The following GFUS variants were observed in gnomAD, a reference collection of about 807,000 sequenced individuals.
GFUS encodes the protein GDP-L-fucose synthase.
Under a neutral mutation model 41.5 loss-of-function variants are expected in GFUS, and 42 were observed. The ratio of observed to expected loss-of-function variants is 1.01; its 90% CI spans 0.79 to 1.31. The LOEUF (loss-of-function observed/expected upper bound fraction) is 1.31. GFUS is among the 50% of genes most tolerant of loss of function. The pLI is 0.00. For synonymous variants in GFUS, 188 were observed against 173.4 expected, an observed-to-expected ratio of 1.08 and a Z score of -0.66; for missense variants, 437 against 428.7, an observed-to-expected ratio of 1.02 and a Z score of -0.17.
At position 143,612,827 on chromosome 8, in the gene GFUS, CA is replaced by C; in HGVS notation, c.*82del. ...GGCCCAGGTTGCTGGGTGGTGCCCT[CA>C]GCTCCTGGCAGGGTTGACGGGTGGT... is the stretch of plus-strand genomic sequence containing the variant. On this transcript the variant is annotated 3_prime_UTR_variant, in exon 11 of 11. Transcript: ENST00000425753. 6.6e-7 allele frequency: 1 copy of C among 1,515,352 alleles called. No homozygotes were observed. Among genetic ancestry groups the C allele is most frequent in the Non-Finnish European group, 8.9e-7 (1 of 1,123,484 alleles). The allele number at this position is 1,515,352 out of a possible 1,614,324, so 93.9% of individuals were successfully genotyped here.
rs1829735336 is a variant in GFUS at position 143,616,671 on chromosome 8, C to G, written c.42G>C (p.Gly14=). 6.2e-7 allele frequency: 1 copy of G among 1,613,492 alleles called. No individual in the cohort carries two copies. Among genetic ancestry groups the G allele is most frequent in the South Asian group, 1.1e-5 (1 of 91,088 alleles). ...PQGSMRILVT[G]GSGLVGKAIQ... is the part of the protein sequence containing the mutation. Reference sequence around the variant, plus strand: ...TGGCTTTGCCTACCAGCCCAGAGCCCCCTGTCACTAGAATCCGCATGGATC... The same window carrying G: ...TGGCTTTGCCTACCAGCCCAGAGCCGCCTGTCACTAGAATCCGCATGGATC... Residue 14 remains glycine, a synonymous_variant, in exon 2 of 11, where the codon GGG becomes GGC. Transcript: ENST00000425753.
rs1022899885 is a variant in GFUS, at chr8:143,613,669, C to T, written c.731-66G>A. 7 of 1,586,310 alleles carry T rather than the reference C, an allele frequency of 4.4e-6. No homozygotes were observed. In the African/African-American group the frequency reaches 8.1e-5, roughly 18 times the overall value. On this transcript the variant is annotated intron_variant, in intron 8 of 10. Transcript: ENST00000425753. ...CCGACGGCCCATGAATATTCCTGCT[C>T]CCACCCCTCAGCCAGCCTCCCAGGA...
chr8:143,613,992 G>A (rs1163604173), intron 7 of GFUS, among the ~76,000 whole-genome samples, 172 bp downstream of exon 7: 2 of 152,194 alleles, frequency 1.3e-5, no homozygotes, highest in East Asian at 3.9e-4. Context: ...CTGGAGACAG[G>A]AGCCTATGGG....
rs1408313565 is a variant in GFUS at position 143,614,355 on chromosome 8, A to G, written c.563T>C (p.Leu188Pro). The G allele has an allele frequency of 1.9e-6, 3 of 1,613,854 alleles. No homozygotes were observed. The highest frequency in any genetic ancestry group is 2.5e-6 in the Non-Finnish European group (3 of 1,179,946). Residue 188 changes from leucine to proline, a missense_variant, in exon 6 of 11, where the codon CTG becomes CCG. Physicochemically the swap from Leu to Pro is moderately conservative, Grantham distance 98. Transcript: ENST00000425753. ...GTGCACCTTGTGGATGAGGCCAGGC[A>G]GCACGTGGCCATCCTCGATGTTGAA... ...DNFNIEDGHV[L>P]PGLIHKVHLA...
Position 143,616,136 on chromosome 8 carries a change from G to T in GFUS, c.231C>A (p.Phe77Leu). The T allele has an allele frequency of 6.2e-7, 1 of 1,609,480 alleles. No individual in the cohort carries two copies. The highest frequency in any genetic ancestry group is 2.2e-5 in the East Asian group (1 of 44,750). ...IHLAAMVGGL[F>L]RNIKYNLDFW... ...AGTCCAAATTGTATTTGATATTCCGGAACAGGCCCCCCACCATTGCAGCAA... is the reference window on the plus strand; with the variant it reads ...AGTCCAAATTGTATTTGATATTCCGTAACAGGCCCCCCACCATTGCAGCAA... The change falls in exon 3 of 11, where the codon TTC becomes TTA. Residue 77 changes from phenylalanine to leucine, a missense_variant. Phe to Leu is a conservative substitution (Grantham distance 22). Coordinates refer to ENST00000425753, the MANE Select transcript of GFUS (RefSeq NM_003313.4).
chr8:143,614,764 C>A (rs1243483361), intron 4 of GFUS, 23 bp downstream of exon 4: 1 of 1,613,468 alleles, frequency 6.2e-7, no homozygotes. Flanking sequence ...CGGCCCCACC[C>A]ACAGCCAGGC....
At chr8:143,618,034 C>G (rs532731725), upstream of GFUS, 1 of 152,424 alleles carries the variant, frequency 6.6e-6, no homozygotes, top group South Asian at 2.1e-4. Context: ...GCTCGGGCAG[C>G]AAGCAGCAAA....
rs371490290 is a variant in GFUS, at chr8:143,616,264, A to C, written c.147-44T>G. The C allele has an allele frequency of 3.2e-6, 5 of 1,585,164 alleles. No individual in the cohort carries two copies. In the African/African-American group the frequency reaches 6.7e-5, roughly 21 times the overall value. On this transcript the variant is annotated intron_variant, in intron 2 of 10. Coordinates refer to ENST00000425753, the MANE Select transcript of GFUS (RefSeq NM_003313.4). ...TCAGGAGGCTCTGGAGGGAACCAGC[A>C]CCCCAGGGTTGGGTGCCAAGTGCAG...
chr8:143,614,380 A>G lies in GFUS; in HGVS notation c.538T>C (p.Phe180Leu). 1 of 1,613,916 alleles carries G rather than the reference A, an allele frequency of 6.2e-7. No individual in the cohort carries two copies. The highest frequency in any genetic ancestry group is 1.1e-5 in the South Asian group (1 of 91,084). Residue 180 changes from phenylalanine to leucine, a missense_variant, in exon 6 of 11, where the codon TTC becomes CTC. Coordinates refer to ENST00000425753, the MANE Select transcript of GFUS (RefSeq NM_003313.4). ...PTNVFGPHDN[F>L]NIEDGHVLPG... is the part of the protein sequence containing the mutation. ...AGCACGTGGCCATCCTCGATGTTGA[A>G]GTTGTCGTGGGGCCCGAAGACGTTG...
chr8:143,614,862 G>A lies in GFUS; in HGVS notation c.315C>T (p.Gly105=), dbSNP rs752019220. The change falls in exon 4 of 11, where the codon GGC becomes GGT. Residue 105 remains glycine, a synonymous_variant. Coordinates refer to ENST00000425753, the MANE Select transcript of GFUS (RefSeq NM_003313.4). ...ACAGGCAGGACACCACCTTGCGGGC[G>A]CCCACCTCAAAGGCCGAGTGCAGGA... is the stretch of plus-strand genomic sequence containing the variant. ...DNVLHSAFEV[G]ARKVVSCLST... 9 of 1,613,516 alleles carry A rather than the reference G, an allele frequency of 5.6e-6. No individual in the cohort carries two copies. The highest frequency in any genetic ancestry group is 2.2e-5 in the East Asian group (1 of 44,888).
rs779057396 is a variant in GFUS at position 143,612,882 on chromosome 8, C to T, written c.*28G>A. On this transcript the variant is annotated 3_prime_UTR_variant, in exon 11 of 11. Coordinates refer to ENST00000425753, the MANE Select transcript of GFUS (RefSeq NM_003313.4). Reference sequence around the variant, plus strand: ...CGCTGGGCTCTGCCAGCCGATGGTCCGCTGGCACCTGATCCTGTCTTCCAG... The same window carrying T: ...CGCTGGGCTCTGCCAGCCGATGGTCTGCTGGCACCTGATCCTGTCTTCCAG... The T allele has an allele frequency of 1.0e-5, 16 of 1,594,500 alleles. No individual in the cohort carries two copies. Among genetic ancestry groups the T allele is most frequent in the African/African-American group, 2.7e-5 (2 of 74,332 alleles).
rs774084849 is a variant in GFUS at position 143,616,177 on chromosome 8, T to C, written c.190A>G (p.Thr64Ala). 1 of 1,613,822 alleles carries C rather than the reference T, an allele frequency of 6.2e-7. No homozygotes were observed. The highest frequency in any genetic ancestry group is 1.3e-5 in the African/African-American group (1 of 75,044). The change falls in exon 3 of 11, where the codon ACA becomes GCA. Residue 64 changes from threonine (T) to alanine (A), a missense_variant. Transcript: ENST00000425753. ...ATTGCAGCAAGATGGATGACGTGTG[T>C]GGGTTGGACCTTCTCAAACAGGGCG... The part of the protein sequence containing the change: ...TRALFEKVQP[T>A]HVIHLAAMVG...
At chr8:143,614,728 C>T in intron 4 of GFUS, 31 bp from the exon 5 acceptor site, 1 of 1,613,090 alleles carries the variant, frequency 6.2e-7, no homozygotes. Flanking sequence ...GAGGCCGCTA[C>T]TTCCTGGCCC....
At position 143,616,514 on chromosome 8, in the gene GFUS, G is replaced by A. The variant is rs780459431; in HGVS notation, c.146+53C>T. The A allele has an allele frequency of 1.5e-5, 24 of 1,611,830 alleles. No individual in the cohort carries two copies. In the Admixed American group the frequency reaches 3.7e-4, roughly 25 times the overall value. On this transcript the variant is annotated intron_variant, in intron 2 of 10. Coordinates refer to ENST00000425753, the MANE Select transcript of GFUS (RefSeq NM_003313.4). ...GCCCAGCCTGGAACTCTTAGTTCTA[G>A]GGTGGGGGGTAGGATGGAGAGGAAG...
At position 143,612,864 on chromosome 8, in the gene GFUS, C is replaced by A. The variant is rs926974978; in HGVS notation, c.*46G>T. The A allele has an allele frequency of 1.3e-6, 2 of 1,576,774 alleles. No individual in the cohort carries two copies. Among genetic ancestry groups the A allele is most frequent in the East Asian group, 4.7e-5 (2 of 42,434 alleles). On this transcript the variant is annotated 3_prime_UTR_variant, in exon 11 of 11. Transcript: ENST00000425753. ...GGGTTGACGGGTGGTGGCCGCTGGG[C>A]TCTGCCAGCCGATGGTCCGCTGGCA...
Position 143,616,131 on chromosome 8 carries a change from T to C in GFUS, c.236A>G (p.Asn79Ser). 1 of 1,608,362 alleles carries C rather than the reference T, an allele frequency of 6.2e-7. No individual in the cohort carries two copies. Among genetic ancestry groups the C allele is most frequent in the Non-Finnish European group, 8.5e-7 (1 of 1,176,550 alleles). The change falls in exon 3 of 11, where the codon AAT becomes AGT. Residue 79 changes from asparagine (N) to serine (S), a missense_variant. By Grantham distance (46) the Asn-to-Ser change is conservative (BLOSUM62 1). Coordinates refer to ENST00000425753, the MANE Select transcript of GFUS (RefSeq NM_003313.4). ...CCAGAAGTCCAAATTGTATTTGATA[T>C]TCCGGAACAGGCCCCCCACCATTGC... ...LAAMVGGLFRNIKYNLDFWRK... is the reference protein window; with the variant it reads ...LAAMVGGLFRSIKYNLDFWRK...
In GFUS at chr8:143,613,789, A is replaced by G; in HGVS notation, c.692T>C (p.Leu231Pro). 1 of 1,550,876 alleles carries G rather than the reference A, an allele frequency of 6.4e-7. No individual in the cohort carries two copies. The highest frequency in any genetic ancestry group is 8.7e-7 in the Non-Finnish European group (1 of 1,146,986). Residue 231 changes from leucine to proline, a missense_variant, in exon 8 of 11, where the codon CTG becomes CCG. Leu to Pro is a moderately conservative substitution (Grantham distance 98). Transcript: ENST00000425753. ...LDLAQLFIWV[L>P]REYNEVEPII... ...GGGCTCCACTTCATTGTACTCCCGC[A>G]GGACCCAGATAAAGAGCTGGGCCAG... is the stretch of plus-strand genomic sequence containing the variant.
Position 143,613,302 on chromosome 8 carries a change from G to A in GFUS, c.811-7C>T, listed in dbSNP as rs770787605. ...CCGACTTGGTTGTATCAAACTGGAG[G>A]CTTTGTCAAGGCCACAGCGAGAAGA... On this transcript the variant is annotated splice_polypyrimidine_tract_variant and splice_region_variant and intron_variant, in intron 9 of 10. Transcript: ENST00000425753. 7 of 1,613,440 alleles carry A rather than the reference G, an allele frequency of 4.3e-6. No individual in the cohort carries two copies. In the Admixed American group the frequency reaches 6.7e-5, roughly 15 times the overall value.
intron 1 of GFUS, chr8:143,616,939 C>T: frequency 1.6e-6 from 1 of 608,208 alleles, no homozygotes; most frequent in East Asian, 2.8e-5. Flanking sequence ...GAGCTACCAC[C>T]CAGCCCAGAG....
Sources: allele counts gnomAD v4.1 joint callset (sites outside exome capture counted in the v4.1 genomes callset), GRCh38; gene constraint gnomAD v4.1.1; transcripts MANE v1.5; gene names NCBI Gene and HGNC (gene_info 2026-07-23, HGNC 2026-07-21).